METTL22: variants seen among roughly 807,000 people sequenced by gnomAD.
METTL22 encodes methyltransferase-like protein 22.
Under a neutral mutation model 48.4 loss-of-function variants are expected in METTL22, and 51 were observed. That is an observed-to-expected ratio of 1.05 (90% confidence interval 0.84 to 1.33). The LOEUF is 1.33. METTL22 is among the 40% of genes most tolerant of loss of function. The pLI, the probability that METTL22 is intolerant of heterozygous loss-of-function variation, is 0.00. For missense variants in METTL22, 678 were observed against 526.9 expected, an observed-to-expected ratio of 1.29 and a Z score of -2.81; for synonymous variants, 255 against 214.1, an observed-to-expected ratio of 1.19 and a Z score of -1.67.
At chr16:8,635,367 A>C in intron 5 of METTL22, 55 bp downstream of exon 5, 2 of 1,483,330 alleles carry the variant, frequency 1.3e-6, no homozygotes, top group South Asian at 2.8e-5. Flanking sequence ...CAAAGCATGC[A>C]CTGACTGTAT....
intron 3 of METTL22, among the ~76,000 whole-genome samples, chr16:8,630,168 G>T (rs975035354): frequency 1.4e-5 from 2 of 146,628 alleles, no homozygotes; most frequent in Non-Finnish European, 3.0e-5. Flanking sequence ...CTCAAAAACA[G>T]ACAAAACAGC....
chr16:8,630,665 A>T (rs986359889), intron 3 of METTL22, among the ~76,000 whole-genome samples: 4 of 152,098 alleles, frequency 2.6e-5, no homozygotes, highest in Non-Finnish European at 5.9e-5. Context: ...GGAATTTACC[A>T]TTGTATGAGC....
At chr16:8,631,457 G>C (rs1008214042) in intron 3 of METTL22, 5 of 152,180 alleles carry the variant, frequency 3.3e-5, no homozygotes, top group African/African-American at 1.2e-4. Flanking sequence ...TAGCCTCTCT[G>C]AGTTCAGTTT....
Position 8,644,730 on chromosome 16 carries a change from G to A in METTL22, c.1179+5G>A, listed in dbSNP as rs1201948814. The A allele has an allele frequency of 1.3e-6, 2 of 1,561,454 alleles. No homozygotes were observed. Among genetic ancestry groups the A allele is most frequent in the Non-Finnish European group, 1.7e-6 (2 of 1,152,554 alleles). ...TACGAGCGCCTCCAGCAACTGGTAG[G>A]TCCAGGCCCCGAAGCAGGGCCGTTG... is the stretch of plus-strand genomic sequence containing the variant. On this transcript the variant is annotated splice_donor_5th_base_variant and intron_variant, in intron 10 of 10. Coordinates refer to ENST00000381920, the MANE Select transcript of METTL22 (RefSeq NM_024109.4).
chr16:8,663,225 AGGT>A, the METTL22 span, among the ~76,000 whole-genome samples: 1 of 123,468 alleles, frequency 8.1e-6, no homozygotes, highest in Non-Finnish European at 1.6e-5. Context: ...AAAAAAAAAA[AGGT>A]AGCCAAGCCA....
chr16:8,642,471 G>A lies in METTL22; in HGVS notation c.916G>A (p.Asp306Asn), dbSNP rs528842705. Residue 306 changes from aspartate to asparagine, a missense_variant, in exon 9 of 11, where the codon GAC becomes AAC. Asp to Asn is a conservative substitution (Grantham distance 23). Coordinates refer to ENST00000381920, the MANE Select transcript of METTL22 (RefSeq NM_024109.4). Reference protein sequence around the residue: ...TILFAAEVFYDDDLTDAVFKT... With the variant: ...TILFAAEVFYNDDLTDAVFKT... ...CTTTTTGCTTCCCACAGTGTTTTACGACGACGACTTGACTGATGCTGTGTT... is the reference window on the plus strand; with the variant it reads ...CTTTTTGCTTCCCACAGTGTTTTACAACGACGACTTGACTGATGCTGTGTT... 2.2e-5 allele frequency: 36 copies of A among 1,614,074 alleles called. No individual in the cohort carries two copies. Among genetic ancestry groups the A allele is most frequent in the Middle Eastern group, 1.7e-4 (1 of 6,060 alleles).
chr16:8,633,309 AG>A (rs1241613073), intron 3 of METTL22, among the ~76,000 whole-genome samples: 1 of 152,078 alleles, frequency 6.6e-6, no homozygotes, highest in Non-Finnish European at 1.5e-5. Flanking sequence ...CAGGCTGAAG[AG>A]CTAGAAAAGG....
At chr16:8,654,421 G>A (rs1329203960), downstream of METTL22, among the ~76,000 whole-genome samples, 1 of 152,194 alleles carries the variant, frequency 6.6e-6, no homozygotes, top group Non-Finnish European at 1.5e-5. Context: ...TGGAATTGGG[G>A]GAATGGAATT....
the METTL22 span, among the ~76,000 whole-genome samples, chr16:8,665,745 G>A: frequency 3.3e-5 from 5 of 152,154 alleles, no homozygotes; most frequent in Non-Finnish European, 5.9e-5. Context: ...AAGACCAATC[G>A]GGCCCAGGGC....
intron 9 of METTL22, among the ~76,000 whole-genome samples, chr16:8,644,104 A>G (rs2056707926): frequency 9.6e-6 from 1 of 103,722 alleles, no homozygotes. Flanking sequence ...CTCAGACCCC[A>G]GCTTCCCAGC....
downstream of METTL22, among the ~76,000 whole-genome samples, chr16:8,652,209 A>G (rs1460925638): frequency 2.0e-5 from 3 of 152,118 alleles, no homozygotes; most frequent in Non-Finnish European, 2.9e-5. Flanking sequence ...CTGTTATCCC[A>G]GCACTTTGGG....
intron 1 of METTL22, among the ~76,000 whole-genome samples, chr16:8,624,414 C>A (rs1470072273): frequency 6.6e-6 from 1 of 151,354 alleles, no homozygotes; most frequent in Non-Finnish European, 1.5e-5. Flanking sequence ...GCTCTGCCAC[C>A]CAGCCTGGAG....
chr16:8,641,719 G>A (rs1027571444), intron 7 of METTL22: 26 of 391,190 alleles, frequency 6.6e-5, no homozygotes, highest in East Asian at 1.9e-4. Context: ...AGCACTTTGC[G>A]CACCGTAGGC....
chr16:8,628,861 C>T lies in METTL22; in HGVS notation c.265C>T (p.Pro89Ser). ...SAETGSTGSP[P>S]GSGHGNEGFS... ...TGAGACAGGCAGCACAGGGTCCCCT[C>T]CAGGAAGTGGCCATGGTAATGAGGG... The change falls in exon 3 of 11, where the codon CCA (proline) becomes TCA (serine). Residue 89 changes from proline to serine, a missense_variant. Physicochemically the swap from Pro to Ser is moderately conservative, Grantham distance 74. Coordinates refer to ENST00000381920, the MANE Select transcript of METTL22 (RefSeq NM_024109.4). 1 of 1,613,822 alleles carries T rather than the reference C, an allele frequency of 6.2e-7. No individual in the cohort carries two copies. Among genetic ancestry groups the T allele is most frequent in the Non-Finnish European group, 8.5e-7 (1 of 1,179,980 alleles).
the METTL22 span, among the ~76,000 whole-genome samples, chr16:8,655,842 C>T: frequency 6.6e-6 from 1 of 152,222 alleles, no homozygotes; most frequent in Non-Finnish European, 1.5e-5. Context: ...CCTAAATGTG[C>T]AAACTAAGAT....
chr16:8,629,529 G>C (rs111826839), intron 3 of METTL22, among the ~76,000 whole-genome samples: 1 of 152,200 alleles, frequency 6.6e-6, no homozygotes, highest in African/African-American at 2.4e-5. Context: ...GGAGCCATGG[G>C]AGGTTCTGGA....
At chr16:8,654,191 G>T (rs1410938111), downstream of METTL22, among the ~76,000 whole-genome samples, 1 of 152,192 alleles carries the variant, frequency 6.6e-6, no homozygotes, top group African/African-American at 2.4e-5. Context: ...AGGCAAGGGG[G>T]CCAGGTAACT....
chr16:8,638,635 T>C (rs1480056962), intron 5 of METTL22, among the ~76,000 whole-genome samples: 2 of 152,094 alleles, frequency 1.3e-5, no homozygotes, highest in African/African-American at 4.8e-5. Context: ...TCAGTTTTCC[T>C]AGGGTGTCAA....
Position 8,648,006 on chromosome 16 carries a change from G to C in METTL22, c.*1863G>C, listed in dbSNP as rs1483996989. On this transcript the variant is annotated 3_prime_UTR_variant, in exon 11 of 11. Coordinates refer to ENST00000381920, the MANE Select transcript of METTL22 (RefSeq NM_024109.4). Reference sequence around the variant, plus strand: ...CCGCTGGAGCAGCAGCAGCATCTGTGGCATCACGTGGATGCTGGTTAGAAA... The same window carrying C: ...CCGCTGGAGCAGCAGCAGCATCTGTCGCATCACGTGGATGCTGGTTAGAAA... 2 of 152,258 alleles carry C rather than the reference G, an allele frequency of 1.3e-5. No individual in the cohort carries two copies. Among genetic ancestry groups the C allele is most frequent in the African/African-American group, 4.8e-5 (2 of 41,444 alleles). The allele number at this position is 152,258 out of a possible 1,614,324, so 9.4% of individuals were successfully genotyped here.
Sources: allele counts gnomAD v4.1 joint callset (sites outside exome capture counted in the v4.1 genomes callset), GRCh38; gene constraint gnomAD v4.1.1; transcripts MANE v1.5; gene names NCBI Gene and HGNC (gene_info 2026-07-23, HGNC 2026-07-21).